ARL6IP6: variants seen among roughly 807,000 people sequenced by gnomAD.
ARL6IP6 encodes the protein ADP-ribosylation factor-like protein 6-interacting protein 6.
A neutral mutation model predicts 21.5 loss-of-function variants in ARL6IP6; 22 were observed. That is an observed-to-expected ratio of 1.02 (90% CI 0.73 to 1.46). The LOEUF is 1.46. ARL6IP6 is among the 40% of genes most tolerant of loss of function. ARL6IP6 has a pLI of 0.00. For missense variants in ARL6IP6, 388 were observed against 299.8 expected, an observed-to-expected ratio of 1.29 and a Z score of -2.17; for synonymous variants, 164 against 125.3, an observed-to-expected ratio of 1.31 and a Z score of -2.06.
At chr2:152,755,561 G>GTC (rs1395231806) in intron 3 of ARL6IP6, among the ~76,000 whole-genome samples, 6 of 152,282 alleles carry the variant, frequency 3.9e-5, no homozygotes, top group Non-Finnish European at 7.4e-5. Context: ...ACATAAGCCT[G>GTC]TCTCTCTCTC....
At chr2:152,718,395 C>T (rs191962636), upstream of ARL6IP6, 3 of 504,082 alleles carry the variant, frequency 6.0e-6, no homozygotes, top group East Asian at 3.6e-5. Flanking sequence ...CTTTCCTGCT[C>T]CCCTTTCCGG....
At chr2:152,750,207 A>G (rs1207524896) in intron 3 of ARL6IP6, among the ~76,000 whole-genome samples, 1 of 152,164 alleles carries the variant, frequency 6.6e-6, no homozygotes, top group Non-Finnish European at 1.5e-5. Context: ...GACCGAGCGC[A>G]GTGGCTCACG....
At chr2:152,719,143 C>T in intron 1 of ARL6IP6, 119 bp downstream of exon 1, 1 of 1,179,168 alleles carries the variant, frequency 8.5e-7, no homozygotes, top group East Asian at 2.7e-5. Flanking sequence ...GCTGCTTTCA[C>T]CCAGAGTCCT....
intron 3 of ARL6IP6, among the ~76,000 whole-genome samples, chr2:152,736,092 G>T (rs1478366722): frequency 6.6e-6 from 1 of 151,998 alleles, no homozygotes; most frequent in Non-Finnish European, 1.5e-5. Context: ...TAATCCCTAT[G>T]TGTATATGAA....
At chr2:152,749,314 A>ACAC (rs1701206001) in intron 3 of ARL6IP6, among the ~76,000 whole-genome samples, 14 of 150,230 alleles carry the variant, frequency 9.3e-5, no homozygotes, top group South Asian at 4.2e-4. Flanking sequence ...CACACACAAA[A>ACAC]ACACACACAC....
At chr2:152,726,833 A>G (rs916120532) in intron 2 of ARL6IP6, among the ~76,000 whole-genome samples, 1 of 152,198 alleles carries the variant, frequency 6.6e-6, no homozygotes, top group Non-Finnish European at 1.5e-5. Flanking sequence ...GTAGTACAAT[A>G]TATTGCTCAC....
chr2:152,760,028 GAT>G lies in ARL6IP6; in HGVS notation c.*190_*191del. ...TTGTTTTAGAATGTCTGAGTATTAA[GAT>G]ACAGATTAATTGGGAATATCTGAGT... On this transcript the variant is annotated 3_prime_UTR_variant, in exon 4 of 4. Transcript: ENST00000326446. The G allele has an allele frequency of 2.0e-6, 1 of 510,590 alleles. No individual in the cohort carries two copies. The highest frequency in any genetic ancestry group is 3.5e-6 in the Non-Finnish European group (1 of 286,876). 31.6% of individuals were successfully genotyped at this position (510,590 alleles called of 1,614,324 possible). A position where few individuals can be genotyped will look rare whatever the true frequency, so the allele number is the denominator to read the frequency against.
At chr2:152,741,336 CATAT>C (rs1297388677) in intron 3 of ARL6IP6, among the ~76,000 whole-genome samples, 2 of 150,886 alleles carry the variant, frequency 1.3e-5, no homozygotes, top group Non-Finnish European at 3.0e-5. Context: ...TAAAATAAAT[CATAT>C]ATAACTGGTT....
At chr2:152,719,820 A>T (rs1699669781) in intron 1 of ARL6IP6, 1 of 415,976 alleles carries the variant, frequency 2.4e-6, no homozygotes, top group Non-Finnish European at 5.0e-6. Context: ...ATTGTCACTG[A>T]AGTGTTATTT....
chr2:152,718,295 C>T (rs995255961), upstream of ARL6IP6: 1 of 278,810 alleles, frequency 3.6e-6, no homozygotes, highest in East Asian at 7.6e-5. Flanking sequence ...GTTGGTGACG[C>T]GGGGGTGGCG....
chr2:152,726,056 T>C (rs1016883578), intron 2 of ARL6IP6, among the ~76,000 whole-genome samples: 2 of 152,222 alleles, frequency 1.3e-5, no homozygotes, highest in African/African-American at 2.4e-5. Flanking sequence ...CATGAATTAA[T>C]TGTTTAAAGC....
intron 3 of ARL6IP6, among the ~76,000 whole-genome samples, chr2:152,744,945 G>A (rs1490622201): frequency 6.6e-6 from 1 of 152,070 alleles, no homozygotes; most frequent in Non-Finnish European, 1.5e-5. Context: ...ATTGTTTTTA[G>A]TAACTATTTT....
At chr2:152,734,512 G>A (rs1414628851) in intron 2 of ARL6IP6, among the ~76,000 whole-genome samples, 2 of 151,996 alleles carry the variant, frequency 1.3e-5, no homozygotes, top group Non-Finnish European at 2.9e-5. Context: ...CTTTTTCGAA[G>A]CGGGGTTTCA....
chr2:152,740,342 G>A (rs545667573), intron 3 of ARL6IP6, among the ~76,000 whole-genome samples: 1 of 152,180 alleles, frequency 6.6e-6, no homozygotes, highest in African/African-American at 2.4e-5. Flanking sequence ...CAAGCAGCCT[G>A]CCCACCTTGG....
In ARL6IP6 at chr2:152,760,693, T is replaced by A; in HGVS notation, c.*853T>A. On this transcript the variant is annotated 3_prime_UTR_variant, in exon 4 of 4. Transcript: ENST00000326446. ...TTCTGTTTCCACAATTCCAAATATT[T>A]ATCTTGGTGTATATATTGTTACTTT... 1 of 152,018 alleles carries A rather than the reference T, an allele frequency of 6.6e-6. No homozygotes were observed. Among genetic ancestry groups the A allele is most frequent in the Admixed American group, 6.6e-5 (1 of 15,264 alleles). The allele number at this position is 152,018 out of a possible 1,614,324, so 9.4% of individuals were successfully genotyped here. A position where few individuals can be genotyped will look rare whatever the true frequency, so the allele number is the denominator to read the frequency against.
At chr2:152,752,755 C>T (rs114699376) in intron 3 of ARL6IP6, among the ~76,000 whole-genome samples, 2,122 of 152,216 alleles carry the variant, frequency 0.014, 29 homozygotes, top group Non-Finnish European at 0.025. Flanking sequence ...GTAGTGGAAG[C>T]GAGAAGGTTG....
In ARL6IP6 at chr2:152,761,585, T is replaced by C. The variant is rs2105205321; in HGVS notation, c.*1745T>C. On this transcript the variant is annotated 3_prime_UTR_variant, in exon 4 of 4. Transcript: ENST00000326446. Reference sequence around the variant, plus strand: ...AGTCATGTGCCATATAACAACGTTTTGGTCACAACGAACTGTACTTATGAT... The same window carrying C: ...AGTCATGTGCCATATAACAACGTTTCGGTCACAACGAACTGTACTTATGAT... Among the ~76,000 whole-genome samples the C allele has an allele frequency of 6.6e-6, 1 of 152,346 alleles. No individual in the cohort carries two copies.
chr2:152,719,044 GAAA>G lies in ARL6IP6; in HGVS notation c.400+21_400+23del, dbSNP rs1559217786. On this transcript the variant is annotated intron_variant, in intron 1 of 3. Transcript: ENST00000326446. ...TTAAAGGTATTGAAGCCGACGCCTT[GAAA>G]GTCTGTCCAGAGTAAAGTTGAGCCA... 1 of 1,516,606 alleles carries G rather than the reference GAAA, an allele frequency of 6.6e-7. No individual in the cohort carries two copies. The highest frequency in any genetic ancestry group is 8.8e-7 in the Non-Finnish European group (1 of 1,132,852). 93.9% of individuals were successfully genotyped at this position (1,516,606 alleles called of 1,614,324 possible).
In ARL6IP6 at chr2:152,762,041, G is replaced by A. The variant is rs1701868444; in HGVS notation, c.*2201G>A. The stretch of plus-strand genomic sequence containing the variant: ...CCTCCTCTCTCCAGTCTGACACAGG[G>A]TCCAAATATAAATCATCTATATGCA... On this transcript the variant is annotated 3_prime_UTR_variant, in exon 4 of 4. Transcript: ENST00000326446. Among the ~76,000 whole-genome samples, 1 of 152,084 alleles carries A rather than the reference G, an allele frequency of 6.6e-6. No individual in the cohort carries two copies. The highest frequency in any genetic ancestry group is 2.1e-4 in the South Asian group (1 of 4,826).
Sources: gnomAD v4.1 joint callset for allele counts (sites outside exome capture counted in the v4.1 genomes callset) on GRCh38, gnomAD v4.1.1 for gene constraint, MANE v1.5 for transcripts, NCBI Gene and HGNC (gene_info 2026-07-23, HGNC 2026-07-21) for gene names.